The following BPGM variants were observed in gnomAD, a reference collection of about 807,000 sequenced individuals.
BPGM encodes the protein 2,3-bisphosphoglycerate mutase, erythrocyte.
BPGM carries 15 observed loss-of-function variants against 21.6 expected under a neutral mutation model. The ratio of observed to expected loss-of-function variants is 0.70; its 90% confidence interval spans 0.47 to 1.07. The LOEUF (loss-of-function observed/expected upper bound fraction) is 1.07. Among genes scored for constraint, BPGM ranks in the 50% least tolerant of loss-of-function variants. The pLI, the probability that BPGM is intolerant of heterozygous loss-of-function variation, is 0.00. For synonymous variants in BPGM, 113 were observed against 116.2 expected, an observed-to-expected ratio of 0.97 and a Z score of 0.18; for missense variants, 273 against 319.0, an observed-to-expected ratio of 0.86 and a Z score of 1.10.
At chr7:134,678,795 C>T in intron 2 of BPGM, 58 bp from the exon 3 acceptor site, 1 of 1,508,572 alleles carries the variant, frequency 6.6e-7, no homozygotes, top group Admixed American at 1.7e-5. Context: ...TATAATTAAA[C>T]AGAACTTCCT....
intron 1 of BPGM, among the ~76,000 whole-genome samples, chr7:134,658,843 T>C (rs939815193): frequency 1.3e-5 from 2 of 151,780 alleles, no homozygotes; most frequent in Admixed American, 1.3e-4. Context: ...ATTTGCATAG[T>C]TTTTGTGACT....
intron 2 of BPGM, among the ~76,000 whole-genome samples, chr7:134,672,618 G>A (rs1230718571): frequency 6.6e-5 from 10 of 152,066 alleles, no homozygotes; most frequent in Non-Finnish European, 1.5e-4. Flanking sequence ...GGAACAATAT[G>A]GATTTGAACT....
In BPGM at chr7:134,673,290, G is replaced by A. The variant is rs554141551; in HGVS notation, c.602-5563G>A. ...AATATTTGTAAGTAATTAGTCTGCT[G>A]TGTGAATGGCTTGAGTAGTCATTAA... On this transcript the variant is annotated intron_variant, in intron 2 of 2. Transcript: ENST00000344924. Among the ~76,000 whole-genome samples the A allele has an allele frequency of 1.4e-3, 219 of 152,346 alleles. 5 individuals are homozygous for A. In the South Asian group the frequency reaches 0.042, roughly 29 times the overall value.
chr7:134,678,710 C>T (rs532079023), intron 2 of BPGM, 143 bp from the exon 3 acceptor site: 1 of 877,040 alleles, frequency 1.1e-6, no homozygotes, highest in East Asian at 2.4e-5. Flanking sequence ...TTCCTGGCTT[C>T]CAGGAATTAT....
At chr7:134,673,438 A>T (rs1165329339) in intron 2 of BPGM, among the ~76,000 whole-genome samples, 1 of 152,160 alleles carries the variant, frequency 6.6e-6, no homozygotes, top group African/African-American at 2.4e-5. Flanking sequence ...GGTCCCACAC[A>T]AAAGGGACCA....
rs924251964 is a variant in BPGM at position 134,679,465 on chromosome 7, A to G, written c.*434A>G. On this transcript the variant is annotated 3_prime_UTR_variant, in exon 3 of 3. Coordinates refer to ENST00000344924, the MANE Select transcript of BPGM (RefSeq NM_001724.5). The stretch of plus-strand genomic sequence containing the variant: ...TAAGGGATATTAGATAATATACCGT[A>G]TGTATTTATTACTAGTCTTTTCCTC... The G allele has an allele frequency of 1.2e-5, 2 of 164,628 alleles. No individual in the cohort carries two copies. Among genetic ancestry groups the G allele is most frequent in the African/African-American group, 4.8e-5 (2 of 41,598 alleles). 10.2% of individuals were successfully genotyped at this position (164,628 alleles called of 1,614,324 possible).
chr7:134,659,325 C>CA (rs1431445226), intron 1 of BPGM, among the ~76,000 whole-genome samples: 1 of 151,094 alleles, frequency 6.6e-6, no homozygotes, highest in African/African-American at 2.4e-5. Flanking sequence ...AGAAACACTG[C>CA]AAAAATATCT....
At chr7:134,678,029 T>C (rs1235198894) in intron 2 of BPGM, among the ~76,000 whole-genome samples, 1 of 152,200 alleles carries the variant, frequency 6.6e-6, no homozygotes, top group Non-Finnish European at 1.5e-5. Flanking sequence ...ACATACAAAA[T>C]GCTTAAAAGA....
chr7:134,664,537 G>A (rs1462987996), intron 2 of BPGM, among the ~76,000 whole-genome samples: 3 of 107,770 alleles, frequency 2.8e-5, no homozygotes, highest in South Asian at 4.1e-4. Flanking sequence ...TCCAAATAGG[G>A]TCACATTATG....
In BPGM at chr7:134,661,532, T is replaced by C; in HGVS notation, c.25T>C (p.Leu9=). The C allele has an allele frequency of 6.2e-7, 1 of 1,614,154 alleles. No individual in the cohort carries two copies. The highest frequency in any genetic ancestry group is 8.5e-7 in the Non-Finnish European group (1 of 1,179,998). MSKYKLIM[L]RHGEGAWNKE... The stretch of plus-strand genomic sequence containing the variant: ...TATGTCCAAGTACAAACTTATTATG[T>C]TAAGACATGGAGAGGGTGCTTGGAA... The change falls in exon 2 of 3, where the codon TTA becomes CTA. Residue 9 remains leucine (L), a synonymous_variant. Coordinates refer to ENST00000344924, the MANE Select transcript of BPGM (RefSeq NM_001724.5). The surrounding 1 kb of genome is among the most constrained non-coding windows in gnomAD (Gnocchi z 4.6).
intron 1 of BPGM, chr7:134,658,333 CT>C (rs1346929768): frequency 6.6e-6 from 1 of 152,170 alleles, no homozygotes; most frequent in Admixed American, 6.5e-5. Flanking sequence ...ATCCCATCTT[CT>C]TTTTGTTTTC....
intron 2 of BPGM, among the ~76,000 whole-genome samples, chr7:134,662,675 C>G (rs759256122): frequency 6.6e-6 from 1 of 152,270 alleles, no homozygotes; most frequent in South Asian, 2.1e-4. Flanking sequence ...CTGAGCAGTT[C>G]TTTTGTTTCA....
intron 1 of BPGM, among the ~76,000 whole-genome samples, chr7:134,659,372 C>CGTGTGTGTGTGT (rs66893203): frequency 6.9e-6 from 1 of 145,282 alleles, no homozygotes; most frequent in African/African-American, 2.5e-5. Context: ...CACACCCCTC[C>CGTGTGTGTGTGT]GTGTGTGTGT....
chr7:134,672,914 C>G (rs749305737), intron 2 of BPGM, among the ~76,000 whole-genome samples: 1 of 152,148 alleles, frequency 6.6e-6, no homozygotes, highest in Non-Finnish European at 1.5e-5. Flanking sequence ...GTGGCTCACA[C>G]CTGTAATCTC....
At chr7:134,667,099 A>T (rs771648205) in intron 2 of BPGM, among the ~76,000 whole-genome samples, 1 of 152,046 alleles carries the variant, frequency 6.6e-6, no homozygotes, top group Admixed American at 6.6e-5. Flanking sequence ...ACCTAAAAGA[A>T]AGCATTTCAT....
chr7:134,653,893 C>A (rs1795595241), intron 1 of BPGM, among the ~76,000 whole-genome samples: 1 of 152,200 alleles, frequency 6.6e-6, no homozygotes, highest in African/African-American at 2.4e-5. Flanking sequence ...TATACTCCAA[C>A]CAGTTTGAAT....
chr7:134,654,621 T>C (rs1279529720), intron 1 of BPGM, among the ~76,000 whole-genome samples: 1 of 152,174 alleles, frequency 6.6e-6, no homozygotes, highest in African/African-American at 2.4e-5. Flanking sequence ...GTGACTAATA[T>C]GATCATCTTC....
chr7:134,677,987 A>T (rs577426682), intron 2 of BPGM, among the ~76,000 whole-genome samples: 1 of 152,226 alleles, frequency 6.6e-6, no homozygotes, highest in Non-Finnish European at 1.5e-5. Context: ...ATAATATGTC[A>T]TCATATTGCA....
At chr7:134,675,213 A>G (rs1255296834) in intron 2 of BPGM, among the ~76,000 whole-genome samples, 1 of 151,998 alleles carries the variant, frequency 6.6e-6, no homozygotes, top group Non-Finnish European at 1.5e-5. Context: ...TTGCCTTTTT[A>G]TGTTCTTAAT....
Sources: allele counts gnomAD v4.1 joint callset (sites outside exome capture counted in the v4.1 genomes callset), GRCh38; gene constraint gnomAD v4.1.1; non-coding constraint Gnocchi (gnomAD v3.1); transcripts MANE v1.5; gene names NCBI Gene and HGNC (gene_info 2026-07-23, HGNC 2026-07-21).